Variants in CLTB observed in about 807,000 individuals in gnomAD.
CLTB encodes clathrin light chain B.
Under a neutral mutation model 30.5 loss-of-function variants are expected in CLTB, and 10 were observed. That is an observed-to-expected ratio of 0.33 (90% confidence interval 0.20 to 0.56). CLTB has a LOEUF of 0.56. CLTB is among the 20% of genes least tolerant of loss of function. CLTB has a pLI of 0.91. For missense variants in CLTB, 261 were observed against 308.3 expected (o/e 0.85, Z 1.15); for synonymous variants, 102 against 120.3 (o/e 0.85, Z 1.00).
At chr5:176,401,542 A>G (rs1049733002) in intron 2 of CLTB, among the ~76,000 whole-genome samples, 1 of 152,156 alleles carries the variant, frequency 6.6e-6, no homozygotes, top group Non-Finnish European at 1.5e-5. Flanking sequence ...GTGCCCTTGT[A>G]GGGGAGGAGG....
chr5:176,409,874 G>A lies in CLTB; in HGVS notation c.234+383C>T, dbSNP rs373571558. Among the ~76,000 whole-genome samples, 44 of 152,352 alleles carry A rather than the reference G, an allele frequency of 2.9e-4. No homozygotes were observed. In the East Asian group the frequency reaches 8.1e-3, roughly 28 times the overall value. ...TATTTCCTTTGGGAAAATTCTGGAA[G>A]TGGAATCTCTGGATCAAAGGGCCCG... On this transcript the variant is annotated intron_variant, in intron 2 of 5. Transcript: ENST00000310418.
intron 1 of CLTB, among the ~76,000 whole-genome samples, chr5:176,413,428 G>A (rs1486903615): frequency 1.3e-5 from 2 of 152,194 alleles, no homozygotes; most frequent in African/African-American, 4.8e-5. Flanking sequence ...GCTGATGAAT[G>A]GAAACAAAGT....
chr5:176,394,694 A>G (rs1190901931), intron 5 of CLTB, among the ~76,000 whole-genome samples: 2 of 152,134 alleles, frequency 1.3e-5, no homozygotes, highest in East Asian at 3.9e-4. Context: ...GGGCACCTGT[A>G]GTCCCAGCTA....
chr5:176,415,307 A>G (rs915956649), intron 1 of CLTB, among the ~76,000 whole-genome samples: 4 of 152,180 alleles, frequency 2.6e-5, no homozygotes, highest in Non-Finnish European at 5.9e-5. Flanking sequence ...TTTGTGGCCC[A>G]CACTCCGGTG....
At position 176,394,488 on chromosome 5, in the gene CLTB, A is replaced by G. The variant is rs565965603; in HGVS notation, c.519-1543T>C. ...GGAGTTCGAGACCTGCCTGGCCAAC[A>G]TGGTGAAACCCCATCTCTACTAAAA... is the stretch of plus-strand genomic sequence containing the variant. On this transcript the variant is annotated intron_variant, in intron 5 of 5. Transcript: ENST00000310418. Among the ~76,000 whole-genome samples the G allele has an allele frequency of 8.6e-5, 13 of 152,036 alleles. No individual in the cohort carries two copies. In the South Asian group the frequency reaches 1.9e-3, roughly 22 times the overall value.
intron 5 of CLTB, among the ~76,000 whole-genome samples, chr5:176,395,078 C>T (rs982767789): frequency 6.6e-6 from 1 of 151,986 alleles, no homozygotes; most frequent in Non-Finnish European, 1.5e-5. Context: ...CCAGCCTCAG[C>T]TCCCACCCAT....
intron 2 of CLTB, among the ~76,000 whole-genome samples, chr5:176,402,229 T>G (rs1756859244): frequency 6.6e-6 from 1 of 152,028 alleles, no homozygotes; most frequent in Non-Finnish European, 1.5e-5. Context: ...ACCCGGGAGA[T>G]GGAGGTTGCA....
At position 176,409,670 on chromosome 5, in the gene CLTB, T is replaced by C. The variant is rs1355104172; in HGVS notation, c.234+587A>G. Among the ~76,000 whole-genome samples the C allele has an allele frequency of 2.0e-5, 3 of 152,184 alleles. No homozygotes were observed. In the East Asian group the frequency reaches 5.8e-4, roughly 29 times the overall value. On this transcript the variant is annotated intron_variant, in intron 2 of 5. Transcript: ENST00000310418. Reference sequence around the variant, plus strand: ...CTCACGTGATCCACCCACCTCAGCCTCCCAAAGTGCTGGGATTACAGGCGT... The same window carrying C: ...CTCACGTGATCCACCCACCTCAGCCCCCCAAAGTGCTGGGATTACAGGCGT...
At chr5:176,401,885 C>T (rs1363540364) in intron 2 of CLTB, 7 of 409,266 alleles carry the variant, frequency 1.7e-5, no homozygotes, top group Admixed American at 1.1e-4. Flanking sequence ...AAAACTCTCC[C>T]TCCTGCCCTC....
At chr5:176,396,701 CAGG>C (rs1756540546) in intron 4 of CLTB, among the ~76,000 whole-genome samples, 169 bp from the exon 5 acceptor site, 1 of 152,110 alleles carries the variant, frequency 6.6e-6, no homozygotes, top group Non-Finnish European at 1.5e-5. Flanking sequence ...CAGCCCCAAA[CAGG>C]AGAATGGGGA....
At chr5:176,400,237 T>C (rs1410047216) in intron 2 of CLTB, among the ~76,000 whole-genome samples, 1 of 151,896 alleles carries the variant, frequency 6.6e-6, no homozygotes, top group Non-Finnish European at 1.5e-5. Flanking sequence ...AAAAAAGGAA[T>C]AATATTAAGA....
intron 1 of CLTB, among the ~76,000 whole-genome samples, chr5:176,415,649 A>G (rs112006113): frequency 2.6e-5 from 4 of 152,366 alleles, no homozygotes; most frequent in African/African-American, 9.6e-5. Context: ...AATGGGTTCA[A>G]TCACGTGTAT....
chr5:176,416,265 G>T lies in CLTB; in HGVS notation c.99C>A (p.Ser33Arg). ...CGTCGTTCTCTATGCCTGCAATCTC[G>T]CTCTCCTGCTGGGCCAGGAAGGCGG... The part of the protein sequence containing the change: ...PAAAFLAQQE[S>R]EIAGIENDEG... The change falls in exon 1 of 6, where the codon AGC (serine) becomes AGA (arginine). Residue 33 changes from serine to arginine, a missense_variant. This residue lies in a region of CLTB where 113 missense variants were observed against 102.5 expected (regional missense o/e 1.10). Coordinates refer to ENST00000310418, the MANE Select transcript of CLTB (RefSeq NM_007097.5). 6.2e-5 allele frequency: 99 copies of T among 1,605,422 alleles called. No individual in the cohort carries two copies. Among genetic ancestry groups the T allele is most frequent in the Non-Finnish European group, 8.3e-5 (98 of 1,177,304 alleles).
rs369020163 is a variant in CLTB at position 176,393,982 on chromosome 5, G to A, written c.519-1037C>T. Among the ~76,000 whole-genome samples, 3 of 152,174 alleles carry A rather than the reference G, an allele frequency of 2.0e-5. No individual in the cohort carries two copies. Among genetic ancestry groups the A allele is most frequent in the Admixed American group, 6.5e-5 (1 of 15,282 alleles). On this transcript the variant is annotated intron_variant, in intron 5 of 5. Coordinates refer to ENST00000310418, the MANE Select transcript of CLTB (RefSeq NM_007097.5). The surrounding 1 kb of genome is among the most constrained non-coding windows in gnomAD (Gnocchi z 4.4). ...GCCAGACATGACTGATGGCAGGAGC[G>A]CTCCATGGAAGAGCTGACCCCGGAT...
Position 176,393,214 on chromosome 5 carries a change from T to G in CLTB, c.519-269A>C, listed in dbSNP as rs1238564765. ...CTGCTTCTTGTCATTCAGGTCTCAG[T>G]GCGGGCCTCACCTCCTCAGAAAGTC... On this transcript the variant is annotated intron_variant, in intron 5 of 5. Transcript: ENST00000310418. This position sits in a 1 kb window ranked among gnomAD's most constrained non-coding sequence, Gnocchi z 4.4. 6.6e-6 allele frequency among the ~76,000 whole-genome samples: 1 copy of G among 152,126 alleles called. No homozygotes were observed. The highest frequency in any genetic ancestry group is 1.5e-5 in the Non-Finnish European group (1 of 68,008).
intron 5 of CLTB, among the ~76,000 whole-genome samples, chr5:176,394,499 C>T (rs532940716): frequency 2.6e-4 from 40 of 151,942 alleles, no homozygotes; most frequent in African/African-American, 9.2e-4. Context: ...TGGTGAAACC[C>T]CATCTCTACT....
chr5:176,393,531 T>C lies in CLTB; in HGVS notation c.519-586A>G, dbSNP rs1002596069. On this transcript the variant is annotated intron_variant, in intron 5 of 5. Transcript: ENST00000310418. The surrounding 1 kb of genome is among the most constrained non-coding windows in gnomAD (Gnocchi z 4.4). ...CTTTACAGCAAGACTTTCAAAGCCT[T>C]TCATGTGCTGTGTGCGTCGTGACCC... Among the ~76,000 whole-genome samples the C allele has an allele frequency of 1.3e-5, 2 of 152,174 alleles. No homozygotes were observed. Among genetic ancestry groups the C allele is most frequent in the Admixed American group, 1.3e-4 (2 of 15,282 alleles).
At chr5:176,397,539 GCCCCCTCATGTCCCCACAGC>G (rs1756597126) in intron 4 of CLTB, 48 bp downstream of exon 4, 6 of 333,110 alleles carry the variant, frequency 1.8e-5, no homozygotes, top group Non-Finnish European at 2.5e-5. Flanking sequence ...TGTCCCCACG[GCCCCCTCATGTCCCCACAGC>G]CCCCCTCATG....
In CLTB at chr5:176,397,962, C is replaced by G; in HGVS notation, c.320G>C (p.Arg107Pro). 2 of 1,614,088 alleles carry G rather than the reference C, an allele frequency of 1.2e-6. No individual in the cohort carries two copies. Among genetic ancestry groups the G allele is most frequent in the Non-Finnish European group, 1.7e-6 (2 of 1,180,042 alleles). Residue 107 changes from arginine to proline, a missense_variant, in exon 3 of 6, where the codon CGA becomes CCA. Physicochemically the swap from Arg to Pro is moderately radical, Grantham distance 103. Coordinates refer to ENST00000310418, the MANE Select transcript of CLTB (RefSeq NM_007097.5). Reference sequence around the variant, plus strand: ...TTGCAGCCGTTTCCTCTGCTCCTCTCGCCACTTGCGGATGCTCTCAGGCTC... The same window carrying G: ...TTGCAGCCGTTTCCTCTGCTCCTCTGGCCACTTGCGGATGCTCTCAGGCTC... ...TQEPESIRKW[R>P]EEQRKRLQEL...
Sources: gnomAD v4.1 joint callset for allele counts (sites outside exome capture counted in the v4.1 genomes callset) on GRCh38, gnomAD v4.1.1 for gene constraint, gnomAD v4.1.1 regional missense constraint, Gnocchi (gnomAD v3.1) non-coding constraint, MANE v1.5 for transcripts, NCBI Gene and HGNC (gene_info 2026-07-23, HGNC 2026-07-21) for gene names.